STK3: variants seen among roughly 807,000 people sequenced by gnomAD.
The protein encoded by STK3 is serine/threonine-protein kinase 3.
In STK3, 41 loss-of-function variants were observed where a neutral mutation model predicts 58.0. The ratio of observed to expected loss-of-function variants is 0.71; its 90% CI spans 0.55 to 0.92. STK3 has a LOEUF of 0.92. Among genes scored for constraint, STK3 ranks in the 40% least tolerant of loss-of-function variants. The probability of loss-of-function intolerance (pLI) is 0.00; values close to 1 mark genes in which losing one functional copy is unlikely to be tolerated. For missense variants in STK3, 479 were observed against 602.7 expected, an observed-to-expected ratio of 0.79 and a Z score of 2.15; for synonymous variants, 170 against 191.0, an observed-to-expected ratio of 0.89 and a Z score of 0.91.
At chr8:98,693,638 T>C (rs1433072926) in intron 6 of STK3, among the ~76,000 whole-genome samples, 1 of 152,184 alleles carries the variant, frequency 6.6e-6, no homozygotes, top group Non-Finnish European at 1.5e-5. Context: ...TCTATGCCAT[T>C]CACCACTGTG....
At chr8:98,645,189 G>A (rs1286173366) in intron 6 of STK3, among the ~76,000 whole-genome samples, 2 of 152,150 alleles carry the variant, frequency 1.3e-5, no homozygotes, top group Admixed American at 6.6e-5. Context: ...TCTGCTGAAC[G>A]AGACTCATTT....
intron 10 of STK3, among the ~76,000 whole-genome samples, chr8:98,461,947 T>C (rs1255339302): frequency 1.1e-5 from 1 of 92,912 alleles, no homozygotes; most frequent in East Asian, 3.2e-4. Context: ...CTAGAAGTTC[T>C]TTTTTAATTA....
intron 10 of STK3, among the ~76,000 whole-genome samples, chr8:98,491,195 G>GAC (rs949619316): frequency 2.7e-5 from 4 of 148,664 alleles, no homozygotes; most frequent in African/African-American, 9.9e-5. Context: ...GAGAGAGAGA[G>GAC]AGAGACAGAG....
intron 1 of STK3, among the ~76,000 whole-genome samples, chr8:98,920,100 G>A (rs1012029910): frequency 5.3e-5 from 8 of 152,226 alleles, no homozygotes; most frequent in Non-Finnish European, 1.0e-4. Flanking sequence ...AGGGCAACTA[G>A]AAGGTTACAA....
At chr8:98,598,527 G>A in intron 6 of STK3, 2 of 985,302 alleles carry the variant, frequency 2.0e-6, no homozygotes, top group Non-Finnish European at 2.4e-6. Flanking sequence ...AGATTTTCTT[G>A]ACAGCCTTAC....
chr8:98,445,546 T>C (rs1818904713), intron 1 of STK3, among the ~76,000 whole-genome samples: 2 of 152,340 alleles, frequency 1.3e-5, no homozygotes, highest in East Asian at 1.9e-4. Flanking sequence ...ATATCGTATG[T>C]CATATCTTTT....
chr8:98,478,885 C>T (rs575610422), intron 10 of STK3, among the ~76,000 whole-genome samples: 97 of 152,282 alleles, frequency 6.4e-4, no homozygotes, highest in Non-Finnish European at 1.1e-3. Context: ...TGCTCTTATA[C>T]ACTATATTTA....
At chr8:98,713,785 G>C (rs1826750048) in intron 4 of STK3, among the ~76,000 whole-genome samples, 1 of 152,054 alleles carries the variant, frequency 6.6e-6, no homozygotes, top group Non-Finnish European at 1.5e-5. Flanking sequence ...TATGAGGCCA[G>C]CATCATCCTG....
intron 9 of STK3, among the ~76,000 whole-genome samples, chr8:98,528,753 C>A (rs555276343): frequency 6.6e-6 from 1 of 152,236 alleles, no homozygotes; most frequent in East Asian, 1.9e-4. Flanking sequence ...CCACAAGGGA[C>A]CCTGATGGGC....
At chr8:98,867,477 C>T (rs1587773526) in intron 3 of STK3, among the ~76,000 whole-genome samples, 1 of 152,154 alleles carries the variant, frequency 6.6e-6, no homozygotes, top group East Asian at 1.9e-4. Flanking sequence ...CTTGTCTAGG[C>T]TCACATAGCT....
At chr8:98,585,169 C>A (rs1162127262) in intron 7 of STK3, among the ~76,000 whole-genome samples, 5 of 151,850 alleles carry the variant, frequency 3.3e-5, no homozygotes, top group Non-Finnish European at 5.9e-5. Flanking sequence ...AAGGCCTTGC[C>A]CATGCCTATG....
chr8:98,627,235 C>T (rs554547530), intron 6 of STK3, among the ~76,000 whole-genome samples: 4 of 152,136 alleles, frequency 2.6e-5, no homozygotes, highest in Admixed American at 6.5e-5. Context: ...AAAAATTAGC[C>T]GGGCACAGCA....
At chr8:98,434,232 C>G (rs1031676505) in exon 3 of STK3, 2 of 152,226 alleles carry the variant, frequency 1.3e-5, no homozygotes, top group Admixed American at 1.3e-4. Context: ...TGAGGAAGGA[C>G]GCACAGCACT....
At chr8:98,690,389 C>A (rs757759142) in intron 6 of STK3, among the ~76,000 whole-genome samples, 1 of 149,958 alleles carries the variant, frequency 6.7e-6, no homozygotes, top group Non-Finnish European at 1.5e-5. Flanking sequence ...CACTTCTATA[C>A]GCTAATAATG....
chr8:98,869,210 C>T (rs1431240930), intron 3 of STK3, among the ~76,000 whole-genome samples: 1 of 152,118 alleles, frequency 6.6e-6, no homozygotes, highest in Non-Finnish European at 1.5e-5. Flanking sequence ...CACTCGAGCC[C>T]AGGAGTTCGA....
At chr8:98,920,384 A>C (rs1160679763) in intron 1 of STK3, among the ~76,000 whole-genome samples, 1 of 152,238 alleles carries the variant, frequency 6.6e-6, no homozygotes, top group Non-Finnish European at 1.5e-5. Flanking sequence ...AGACATAAAC[A>C]GTCAAACCTC....
In STK3 at chr8:98,579,710, C is replaced by A; in HGVS notation, c.902G>T (p.Arg301Ile). Residue 301 changes from arginine (R) to isoleucine (I), a missense_variant, in exon 8 of 11, where the codon AGA becomes ATA. By Grantham distance (97) the Arg-to-Ile change is moderately conservative. Around this residue, in one of 3 missense-constraint regions of STK3, gnomAD observed 309 missense variants for 355.7 expected, o/e 0.87. Coordinates refer to ENST00000419617, the MANE Select transcript of STK3 (RefSeq NM_006281.4). ...ITEAMEIKAK[R>I]HEEQQRELEE... ...CAATTCTCGTTGCTGTTCCTCATGTCTTTTAGCTTTGATCTCCATAGCTTC... is the reference window on the plus strand; with the variant it reads ...CAATTCTCGTTGCTGTTCCTCATGTATTTTAGCTTTGATCTCCATAGCTTC... 1.9e-6 allele frequency: 3 copies of A among 1,610,372 alleles called. No homozygotes were observed. Among genetic ancestry groups the A allele is most frequent in the Non-Finnish European group, 1.7e-6 (2 of 1,178,906 alleles).
At chr8:98,449,462 C>T (rs974980512) in intron 1 of STK3, among the ~76,000 whole-genome samples, 6 of 152,082 alleles carry the variant, frequency 3.9e-5, no homozygotes, top group African/African-American at 1.2e-4. Context: ...CTTCCTGGGA[C>T]CAAAGCAAAT....
At chr8:98,511,312 C>T (rs1235991633) in intron 10 of STK3, among the ~76,000 whole-genome samples, 1 of 151,804 alleles carries the variant, frequency 6.6e-6, no homozygotes, top group African/African-American at 2.4e-5. Flanking sequence ...ATGTAAGATA[C>T]TGAATCTTAA....
Sources: gnomAD v4.1 joint callset for allele counts (sites outside exome capture counted in the v4.1 genomes callset) on GRCh38, gnomAD v4.1.1 for gene constraint, gnomAD v4.1.1 regional missense constraint, MANE v1.5 for transcripts, NCBI Gene and HGNC (gene_info 2026-07-23, HGNC 2026-07-21) for gene names.